The following PRKCA variants were observed in gnomAD, a reference collection of about 807,000 sequenced individuals.
PRKCA encodes protein kinase C alpha type.
Under a neutral mutation model 87.0 loss-of-function variants are expected in PRKCA, and 27 were observed. That is an observed-to-expected ratio of 0.31 (90% confidence interval 0.23 to 0.43). The LOEUF (loss-of-function observed/expected upper bound fraction) is 0.43, where lower values mean the gene tolerates loss of function less well. PRKCA is among the 20% of genes least tolerant of loss of function. The pLI is 1.00. For missense variants in PRKCA, 518 were observed against 852.3 expected (o/e 0.61, Z 4.88); for synonymous variants, 329 against 311.1 (o/e 1.06, Z -0.61).
At chr17:66,754,909 C>T (rs1027957453) in intron 13 of PRKCA, among the ~76,000 whole-genome samples, 2 of 152,048 alleles carry the variant, frequency 1.3e-5, no homozygotes, top group Non-Finnish European at 2.9e-5. Flanking sequence ...TTCATTCTCC[C>T]CTAATTACCT....
chr17:66,579,053 T>A (rs1969334627), intron 3 of PRKCA, among the ~76,000 whole-genome samples: 2 of 152,224 alleles, frequency 1.3e-5, no homozygotes, highest in African/African-American at 4.8e-5. Context: ...TGGTGGCTGC[T>A]GCTTTCTGCT....
At chr17:66,640,586 C>T (rs1378127214) in intron 3 of PRKCA, among the ~76,000 whole-genome samples, 2 of 152,142 alleles carry the variant, frequency 1.3e-5, no homozygotes, top group Admixed American at 1.3e-4. Flanking sequence ...TCTGGTTTCG[C>T]AGTGTATTGT....
intron 1 of PRKCA, among the ~76,000 whole-genome samples, chr17:66,304,097 A>G (rs1904667001): frequency 6.6e-6 from 1 of 152,210 alleles, no homozygotes; most frequent in Non-Finnish European, 1.5e-5. Flanking sequence ...TATAAGGGCC[A>G]GAGGTCAGAG....
chr17:66,448,858 C>CA (rs34347849), intron 2 of PRKCA, among the ~76,000 whole-genome samples: 5,001 of 145,152 alleles, frequency 0.034, 268 homozygotes, highest in African/African-American at 0.12. Context: ...GAGATTCTGG[C>CA]AAAAAAAAAA....
intron 3 of PRKCA, among the ~76,000 whole-genome samples, chr17:66,570,975 T>TAAG (rs1969063894): frequency 6.6e-6 from 1 of 152,218 alleles, no homozygotes; most frequent in Non-Finnish European, 1.5e-5. Flanking sequence ...CTAAGGTTGC[T>TAAG]GTGAAGGTAA....
intron 6 of PRKCA, 132 bp downstream of exon 6, chr17:66,687,399 C>T (rs774425420): frequency 4.3e-6 from 4 of 928,852 alleles, no homozygotes; most frequent in Admixed American, 2.7e-5. Flanking sequence ...CCTCCTCAGG[C>T]TGCCATTAGG....
At chr17:66,530,683 G>A (rs1051594634) in intron 3 of PRKCA, among the ~76,000 whole-genome samples, 4 of 152,060 alleles carry the variant, frequency 2.6e-5, no homozygotes, top group African/African-American at 9.7e-5. Flanking sequence ...GAGGGAAAAG[G>A]GTGGCTCACT....
chr17:66,380,695 T>G (rs1028205848), intron 2 of PRKCA, among the ~76,000 whole-genome samples: 7 of 152,176 alleles, frequency 4.6e-5, no homozygotes, highest in African/African-American at 1.7e-4. Flanking sequence ...TTTTTATTGT[T>G]TTATAACATA....
At chr17:66,480,577 T>C (rs1291424985) in intron 2 of PRKCA, among the ~76,000 whole-genome samples, 1 of 152,234 alleles carries the variant, frequency 6.6e-6, no homozygotes, top group East Asian at 1.9e-4. Flanking sequence ...CACTGCATTA[T>C]GGTGGCCTCA....
chr17:66,303,242 C>T (rs12452657), intron 1 of PRKCA, among the ~76,000 whole-genome samples: 24,738 of 152,014 alleles, frequency 0.16, 2,557 homozygotes, highest in Non-Finnish European at 0.24. Flanking sequence ...CCCCCTGGCG[C>T]GAGAGGGAGG....
intron 2 of PRKCA, among the ~76,000 whole-genome samples, chr17:66,332,891 C>T (rs1281436956): frequency 6.6e-6 from 1 of 152,078 alleles, no homozygotes; most frequent in Non-Finnish European, 1.5e-5. Context: ...CGGGGTTTCA[C>T]CATGTTAGCC....
chr17:66,515,039 A>G (rs549768125), intron 3 of PRKCA, among the ~76,000 whole-genome samples: 1 of 152,144 alleles, frequency 6.6e-6, no homozygotes, highest in Non-Finnish European at 1.5e-5. Flanking sequence ...GTGGATCACT[A>G]GGTCAGGAGA....
intron 2 of PRKCA, among the ~76,000 whole-genome samples, chr17:66,479,125 A>G (rs1445410967): frequency 6.6e-6 from 1 of 152,222 alleles, no homozygotes; most frequent in Non-Finnish European, 1.5e-5. Context: ...CTATGCATTC[A>G]GCAAAGATCT....
rs559697919 is a variant in PRKCA, at chr17:66,806,807, G to A, written c.*2770G>A. 7.4e-4 allele frequency: 113 copies of A among 152,366 alleles called. No homozygotes were observed. Among genetic ancestry groups the A allele is most frequent in the African/African-American group, 2.5e-3 (102 of 41,572 alleles). 9.4% of individuals were successfully genotyped at this position (152,366 alleles called of 1,614,324 possible). A position where few individuals can be genotyped will look rare whatever the true frequency, so the allele number is the denominator to read the frequency against. On this transcript the variant is annotated 3_prime_UTR_variant, in exon 17 of 17. Coordinates refer to ENST00000413366, the MANE Select transcript of PRKCA (RefSeq NM_002737.3). ...GCAAAGTTTTCCAAGAAAATGCCCC[G>A]ACAGGGGTGCCCAGCACACTGCCTG...
At chr17:66,795,011 A>T (rs967120402) in intron 16 of PRKCA, among the ~76,000 whole-genome samples, 1 of 151,682 alleles carries the variant, frequency 6.6e-6, no homozygotes, top group Non-Finnish European at 1.5e-5. Context: ...GTTACTTTTC[A>T]TTTTTTTTGC....
chr17:66,747,927 C>T (rs1013585450), intron 13 of PRKCA, among the ~76,000 whole-genome samples: 7 of 152,188 alleles, frequency 4.6e-5, no homozygotes, highest in African/African-American at 9.6e-5. Context: ...CGGGGGGTGC[C>T]GGGCCAGAAA....
At chr17:66,330,387 G>C (rs538185763) in intron 2 of PRKCA, among the ~76,000 whole-genome samples, 1 of 152,148 alleles carries the variant, frequency 6.6e-6, no homozygotes, top group African/African-American at 2.4e-5. Flanking sequence ...GATTACAGGC[G>C]TGAGCCATCG....
chr17:66,510,958 G>T (rs909459321), intron 3 of PRKCA, among the ~76,000 whole-genome samples: 1 of 152,042 alleles, frequency 6.6e-6, no homozygotes, highest in Non-Finnish European at 1.5e-5. Flanking sequence ...TGTTGCCCAG[G>T]CTGGTCTCGA....
At chr17:66,463,383 T>G (rs534891405) in intron 2 of PRKCA, among the ~76,000 whole-genome samples, 12 of 74,486 alleles carry the variant, frequency 1.6e-4, no homozygotes, top group African/African-American at 5.6e-4. Context: ...TGATTCTGTG[T>G]TTTTTTTTTT....
Sources: gnomAD v4.1 joint callset for allele counts (sites outside exome capture counted in the v4.1 genomes callset) on GRCh38, gnomAD v4.1.1 for gene constraint, MANE v1.5 for transcripts, NCBI Gene and HGNC (gene_info 2026-07-23, HGNC 2026-07-21) for gene names.